The following SHANK1 variants were observed in gnomAD, a reference collection of about 807,000 sequenced individuals.
The protein encoded by SHANK1 is SH3 and multiple ankyrin repeat domains protein 1.
SHANK1 carries 35 observed loss-of-function variants against 165.6 expected under a neutral mutation model. The observed-to-expected ratio is 0.21, with a 90% CI of 0.16 to 0.28. The LOEUF is 0.28. Ranked by LOEUF, SHANK1 falls within the 10% of genes least tolerant of loss-of-function variation. The pLI, the probability that SHANK1 is intolerant of heterozygous loss-of-function variation, is 1.00. For missense variants in SHANK1, 2,681 were observed against 3,036.4 expected, an observed-to-expected ratio of 0.88 and a Z score of 2.75; for synonymous variants, 1,428 against 1,384.8, an observed-to-expected ratio of 1.03 and a Z score of -0.69.
In SHANK1 at chr19:50,659,564, C is replaced by T. The variant is rs1985103762; in HGVS notation, c.*2401G>A. Among the ~76,000 whole-genome samples the T allele has an allele frequency of 7.1e-6, 1 of 141,298 alleles. No individual in the cohort carries two copies. Among genetic ancestry groups the T allele is most frequent in the East Asian group, 2.4e-4 (1 of 4,158 alleles). 92.7% of individuals were successfully genotyped at this position (141,298 alleles called of 152,430 possible). A position where few individuals can be genotyped will look rare whatever the true frequency, so the allele number is the denominator to read the frequency against. On this transcript the variant is annotated 3_prime_UTR_variant, in exon 24 of 24. Coordinates refer to ENST00000293441, the MANE Select transcript of SHANK1 (RefSeq NM_016148.5). ...CATCCGCCCCCCTCCTCTTCCCCTC[C>T]CACCCCCCCTTGGAAGACAATTCTC...
rs1381542392 is a variant in SHANK1 at position 50,718,341 on chromosome 19, C to T, written c.-44+1065G>A. On this transcript the variant is annotated intron_variant, in intron 1 of 23. Coordinates refer to ENST00000293441, the MANE Select transcript of SHANK1 (RefSeq NM_016148.5). This position sits in a 1 kb window ranked among gnomAD's most constrained non-coding sequence, Gnocchi z 5.1. The stretch of plus-strand genomic sequence containing the variant: ...CTCCTCCCTGCCCCGCCGCACAGCC[C>T]ACCTCGCGATCTGGGGCCCGCAGAC... 6.6e-6 allele frequency among the ~76,000 whole-genome samples: 1 copy of T among 152,136 alleles called. No homozygotes were observed. Among genetic ancestry groups the T allele is most frequent in the Non-Finnish European group, 1.5e-5 (1 of 68,014 alleles).
chr19:50,694,743 C>T lies in SHANK1; in HGVS notation c.1964+2353G>A, dbSNP rs1306147588. ...GAGACCAGGGGCCCGAAAGGGATTTCGGGCTGAGAGAAGGTTAGGGAAGAG... is the reference window on the plus strand; with the variant it reads ...GAGACCAGGGGCCCGAAAGGGATTTTGGGCTGAGAGAAGGTTAGGGAAGAG... On this transcript the variant is annotated intron_variant, in intron 15 of 23. Coordinates refer to ENST00000293441, the MANE Select transcript of SHANK1 (RefSeq NM_016148.5). Among the ~76,000 whole-genome samples the T allele has an allele frequency of 4.4e-5, 5 of 112,562 alleles. No homozygotes were observed. In the Admixed American group the frequency reaches 4.5e-4, roughly 10 times the overall value. The allele number at this position is 112,562 out of a possible 152,430, so 73.8% of individuals were successfully genotyped here.
rs1986421547 is a variant in SHANK1, at chr19:50,688,177, T to C, written c.2173-119A>G. 3 of 1,242,994 alleles carry C rather than the reference T, an allele frequency of 2.4e-6. No homozygotes were observed. Among genetic ancestry groups the C allele is most frequent in the Non-Finnish European group, 3.4e-6 (3 of 879,588 alleles). The allele number at this position is 1,242,994 out of a possible 1,614,324, so 77.0% of individuals were successfully genotyped here. On this transcript the variant is annotated intron_variant, in intron 17 of 23. Transcript: ENST00000293441. This position sits in a 1 kb window ranked among gnomAD's most constrained non-coding sequence, Gnocchi z 6.7. ...CCTGTCCATGGCCCTCTGGGCTATG[T>C]TCCTCTCCCTCCGACCCTTCATACC...
chr19:50,705,348 AAAT>A (rs1015401013), intron 8 of SHANK1, among the ~76,000 whole-genome samples: 9 of 152,212 alleles, frequency 5.9e-5, no homozygotes, highest in African/African-American at 2.2e-4. Context: ...TCTCAAAAAA[AAAT>A]AATAATTTCT....
At chr19:50,704,089 C>G in intron 10 of SHANK1, 31 bp downstream of exon 10, 1 of 1,610,932 alleles carries the variant, frequency 6.2e-7, no homozygotes, top group South Asian at 1.1e-5. Flanking sequence ...GCCCCAGGTT[C>G]TCTGTGCAGT....
chr19:50,691,316 T>C (rs1460711183), intron 15 of SHANK1, among the ~76,000 whole-genome samples: 1 of 152,122 alleles, frequency 6.6e-6, no homozygotes, highest in African/African-American at 2.4e-5. Flanking sequence ...CATTCCCACC[T>C]TCTTACTCCT....
At chr19:50,676,743 C>A (rs1354624777) in intron 21 of SHANK1, among the ~76,000 whole-genome samples, 1 of 152,144 alleles carries the variant, frequency 6.6e-6, no homozygotes, top group African/African-American at 2.4e-5. Context: ...TACTCTATTT[C>A]CTTGGTAAGA....
Position 50,663,752 on chromosome 19 carries a change from A to G in SHANK1, c.5769-1070T>C, listed in dbSNP as rs1078435. On this transcript the variant is annotated intron_variant, in intron 23 of 23. Transcript: ENST00000293441. ...GCTGCTACAAGCAGTGGAAAAAAAA[A>G]AAAAGAAAAGAAAAAAAAAATCCTC... Among the ~76,000 whole-genome samples the G allele has an allele frequency of 3.2e-3, 411 of 127,828 alleles. 3 individuals carry two copies. Among genetic ancestry groups the G allele is most frequent in the Non-Finnish European group, 5.2e-3 (296 of 56,426 alleles). 83.9% of individuals were successfully genotyped at this position (127,828 alleles called of 152,430 possible). A position where few individuals can be genotyped will look rare whatever the true frequency, so the allele number is the denominator to read the frequency against.
intron 23 of SHANK1, among the ~76,000 whole-genome samples, chr19:50,664,544 G>A (rs550857717): frequency 6.6e-6 from 1 of 152,330 alleles, no homozygotes; most frequent in East Asian, 1.9e-4. Flanking sequence ...TCTACAGAGA[G>A]GTGGATTCAT....
Position 50,666,530 on chromosome 19 carries a change from G to T in SHANK1, c.5430C>A (p.Gly1810=), listed in dbSNP as rs770678405. Residue 1810 remains glycine (G), a synonymous_variant, in exon 23 of 24, where the codon GGC becomes GGA. Coordinates refer to ENST00000293441, the MANE Select transcript of SHANK1 (RefSeq NM_016148.5). ...LRACSGPPTA[G]VAGGPVAVEP... ...CTACAGCCACCGGACCCCCCGCCAC[G>T]CCTGCCGTGGGGGGTCCTGAACAAG... 4 of 1,591,400 alleles carry T rather than the reference G, an allele frequency of 2.5e-6. No individual in the cohort carries two copies. In the East Asian group the frequency reaches 9.1e-5, roughly 36 times the overall value.
Position 50,703,842 on chromosome 19 carries a change from C to G in SHANK1, c.1223-12G>C. The G allele has an allele frequency of 7.3e-7, 1 of 1,364,924 alleles. No individual in the cohort carries two copies. The highest frequency in any genetic ancestry group is 1.5e-5 in the South Asian group (1 of 65,128). 84.6% of individuals were successfully genotyped at this position (1,364,924 alleles called of 1,614,324 possible). A position where few individuals can be genotyped will look rare whatever the true frequency, so the allele number is the denominator to read the frequency against. ...CTCCTGGAAGGGCACTGAGAGGGCACAGTGGCGGCGGGGGGCAGATGTTAG... is the reference window on the plus strand; with the variant it reads ...CTCCTGGAAGGGCACTGAGAGGGCAGAGTGGCGGCGGGGGGCAGATGTTAG... On this transcript the variant is annotated splice_polypyrimidine_tract_variant and intron_variant, in intron 10 of 23. Transcript: ENST00000293441.
Position 50,668,536 on chromosome 19 carries a change from G to A in SHANK1, c.3424C>T (p.Pro1142Ser), listed in dbSNP as rs1985657466. Residue 1142 changes from proline to serine, a missense_variant, in exon 23 of 24, where the codon CCC becomes TCC. By Grantham distance (74) the Pro-to-Ser change is moderately conservative. Around this residue, in one of 10 missense-constraint regions of SHANK1, gnomAD observed 1,713 missense variants for 1,630.2 expected, o/e 1.05. Transcript: ENST00000293441. ...PTSPASPQPPPAVAAPSEKNS... is the reference protein window; with the variant it reads ...PTSPASPQPPSAVAAPSEKNS... ...TTCTCCGAGGGCGCGGCCACGGCGG[G>A]CGGCGGCTGCGGGGAGGCCGGGGAC... The A allele has an allele frequency of 1.5e-6, 2 of 1,355,674 alleles. No individual in the cohort carries two copies. Among genetic ancestry groups the A allele is most frequent in the Non-Finnish European group, 1.9e-6 (2 of 1,055,014 alleles). 84.0% of individuals were successfully genotyped at this position (1,355,674 alleles called of 1,614,324 possible).
Position 50,666,473 on chromosome 19 carries a change from C to T in SHANK1, c.5487G>A (p.Thr1829=), listed in dbSNP as rs750759110. ...EPEVPPVPLP[T]ASSLPRKLLP... ...GCAGCTTCCGGGGCAGAGAGGAGGC[C>T]GTCGGCAAGGGCACCGGTGGGACTT... The change falls in exon 23 of 24, where the codon ACG becomes ACA. Residue 1829 remains threonine (T), a synonymous_variant. Transcript: ENST00000293441. 7 of 1,602,426 alleles carry T rather than the reference C, an allele frequency of 4.4e-6. No individual in the cohort carries two copies. The South Asian group carries it at 5.6e-5, about 13-fold the overall frequency.
Position 50,661,924 on chromosome 19 carries a change from CA to C in SHANK1, c.*40del. The C allele has an allele frequency of 6.2e-7, 1 of 1,610,494 alleles. No individual in the cohort carries two copies. Among genetic ancestry groups the C allele is most frequent in the Non-Finnish European group, 8.5e-7 (1 of 1,177,760 alleles). ...TCAGAGGTCAAGAGGCCAGCAGGCT[CA>C]AGAGTTCTGTGGACGGGGCTGGTCC... On this transcript the variant is annotated 3_prime_UTR_variant, in exon 24 of 24. Coordinates refer to ENST00000293441, the MANE Select transcript of SHANK1 (RefSeq NM_016148.5).
At chr19:50,663,111 G>A (rs1985335813) in intron 23 of SHANK1, 1 of 205,492 alleles carries the variant, frequency 4.9e-6, no homozygotes, top group South Asian at 7.8e-5. Flanking sequence ...GGACACACAG[G>A]AAGTGGCAGA....
At chr19:50,673,148 C>G (rs906772078) in intron 21 of SHANK1, among the ~76,000 whole-genome samples, 1 of 152,104 alleles carries the variant, frequency 6.6e-6, no homozygotes, top group Non-Finnish European at 1.5e-5. Flanking sequence ...AGCCGGGGTG[C>G]CCAGCCTGAC....
intron 18 of SHANK1, 111 bp from the exon 19 acceptor site, chr19:50,687,773 G>T: frequency 7.4e-7 from 1 of 1,354,124 alleles, no homozygotes; most frequent in Non-Finnish European, 1.0e-6. Context: ...AGCGTGCGGA[G>T]CCCTCCCTGC....
In SHANK1 at chr19:50,662,217, C is replaced by G. The variant is rs368607332; in HGVS notation, c.6234G>C (p.Pro2078=). 7 of 1,609,536 alleles carry G rather than the reference C, an allele frequency of 4.3e-6. No individual in the cohort carries two copies. The highest frequency in any genetic ancestry group is 5.9e-6 in the Non-Finnish European group (7 of 1,176,900). The change falls in exon 24 of 24, where the codon CCG becomes CCC. Residue 2078 remains proline (P), a synonymous_variant. Transcript: ENST00000293441. This position sits in a 1 kb window ranked among gnomAD's most constrained non-coding sequence, Gnocchi z 7.7. ...ALSGASRSLS[P]TRLLSLPPDK... ...CCGGGGGCAGCGAGAGCAGGCGGGT[C>G]GGTGAGAGGGAGCGCGAGGCCCCTG... is the stretch of plus-strand genomic sequence containing the variant.
chr19:50,716,488 G>A lies in SHANK1; in HGVS notation c.256-10C>T. The A allele has an allele frequency of 1.9e-6, 3 of 1,613,904 alleles. No individual in the cohort carries two copies. Among genetic ancestry groups the A allele is most frequent in the South Asian group, 1.1e-5 (1 of 91,068 alleles). ...TGAAGCGAAGGCATTTCTGGTTGGG[G>A]AAGAGATAGGGGCTAGGGTGGGCCA... On this transcript the variant is annotated splice_polypyrimidine_tract_variant and intron_variant, in intron 2 of 23. Coordinates refer to ENST00000293441, the MANE Select transcript of SHANK1 (RefSeq NM_016148.5). This position sits in a 1 kb window ranked among gnomAD's most constrained non-coding sequence, Gnocchi z 8.4.
Sources: gnomAD v4.1 joint callset for allele counts (sites outside exome capture counted in the v4.1 genomes callset) on GRCh38, gnomAD v4.1.1 for gene constraint, gnomAD v4.1.1 regional missense constraint, Gnocchi (gnomAD v3.1) non-coding constraint, MANE v1.5 for transcripts, NCBI Gene and HGNC (gene_info 2026-07-23, HGNC 2026-07-21) for gene names.